The following IQCM variants were observed in gnomAD, a reference collection of about 807,000 sequenced individuals.
The protein encoded by IQCM is IQ domain-containing protein M.
A neutral mutation model predicts 57.6 loss-of-function variants in IQCM; 45 were observed. The ratio of observed to expected loss-of-function variants is 0.78; its 90% CI spans 0.62 to 1.00. IQCM has a LOEUF of 1.00. Ranked by LOEUF, IQCM falls within the 50% of genes least tolerant of loss-of-function variation. IQCM has a pLI of 0.00. For missense variants in IQCM, 468 were observed against 511.6 expected (o/e 0.91, Z 0.82); for synonymous variants, 148 against 158.9 (o/e 0.93, Z 0.51).
At chr4:149,569,419 A>G (rs1285019674) in intron 9 of IQCM, among the ~76,000 whole-genome samples, 1 of 152,112 alleles carries the variant, frequency 6.6e-6, no homozygotes, top group Non-Finnish European at 1.5e-5. Context: ...GTTCAAGGTG[A>G]TCAATGACTA....
intron 13 of IQCM, among the ~76,000 whole-genome samples, chr4:149,409,515 A>C (rs1056487957): frequency 6.6e-5 from 10 of 152,254 alleles, no homozygotes; most frequent in African/African-American, 2.4e-4. Flanking sequence ...AAACAACAAA[A>C]CAAAGGATAG....
chr4:149,613,675 C>T (rs1441090659), intron 8 of IQCM, among the ~76,000 whole-genome samples: 2 of 151,868 alleles, frequency 1.3e-5, no homozygotes, highest in Non-Finnish European at 2.9e-5. Context: ...CCCATTAACT[C>T]GTCATTTAAC....
chr4:149,626,712 C>T (rs1207652075), intron 7 of IQCM, among the ~76,000 whole-genome samples: 1 of 151,996 alleles, frequency 6.6e-6, no homozygotes, highest in Non-Finnish European at 1.5e-5. Flanking sequence ...AGCCCCTTTA[C>T]AACTTCAATA....
At chr4:149,668,249 C>G (rs1208797015) in intron 7 of IQCM, among the ~76,000 whole-genome samples, 2 of 152,150 alleles carry the variant, frequency 1.3e-5, no homozygotes, top group Non-Finnish European at 2.9e-5. Context: ...CCCTACGAGC[C>G]AGAAGAGAGT....
At chr4:149,647,017 T>G (rs981355824) in intron 7 of IQCM, among the ~76,000 whole-genome samples, 2 of 152,146 alleles carry the variant, frequency 1.3e-5, no homozygotes, top group Non-Finnish European at 2.9e-5. Flanking sequence ...TTGTGTGTGT[T>G]CACCTTCTAA....
At chr4:149,556,513 G>T (rs1749598968) in intron 10 of IQCM, among the ~76,000 whole-genome samples, 1 of 152,074 alleles carries the variant, frequency 6.6e-6, no homozygotes, top group Non-Finnish European at 1.5e-5. Flanking sequence ...CCTATAAGAA[G>T]ATATCTTGAC....
At chr4:149,680,628 T>A (rs1762111612) in intron 7 of IQCM, among the ~76,000 whole-genome samples, 1 of 151,418 alleles carries the variant, frequency 6.6e-6, no homozygotes, top group South Asian at 2.1e-4. Context: ...CTGGAATAAG[T>A]ATAAGGAGTC....
chr4:149,721,335 G>A (rs1765432463), intron 5 of IQCM, among the ~76,000 whole-genome samples: 1 of 151,528 alleles, frequency 6.6e-6, no homozygotes, highest in African/African-American at 2.4e-5. Flanking sequence ...GTGGTTTTTG[G>A]TTGCTTAATT....
chr4:149,390,338 G>A (rs900997046), intron 13 of IQCM, among the ~76,000 whole-genome samples: 1 of 151,428 alleles, frequency 6.6e-6, no homozygotes, highest in Non-Finnish European at 1.5e-5. Context: ...TTTAACAGTA[G>A]GATTTTCTTT....
At chr4:149,543,892 C>T (rs1036343132) in intron 12 of IQCM, among the ~76,000 whole-genome samples, 14 of 152,072 alleles carry the variant, frequency 9.2e-5, no homozygotes, top group Non-Finnish European at 1.3e-4. Flanking sequence ...GATGTAGATG[C>T]TTCTACAAAT....
chr4:149,576,043 C>G (rs1360062439), intron 9 of IQCM, among the ~76,000 whole-genome samples: 1 of 151,772 alleles, frequency 6.6e-6, no homozygotes, highest in Non-Finnish European at 1.5e-5. Flanking sequence ...TCTGCAGGAG[C>G]ACTACTTATT....
At chr4:149,494,770 G>A (rs987822892) in intron 12 of IQCM, among the ~76,000 whole-genome samples, 7 of 152,076 alleles carry the variant, frequency 4.6e-5, no homozygotes, top group African/African-American at 1.7e-4. Context: ...AGCAACCAGG[G>A]TTTAGAAATT....
intron 2 of IQCM, chr4:149,790,011 C>G (rs1772440212): frequency 7.9e-6 from 3 of 382,122 alleles, no homozygotes; most frequent in Non-Finnish European, 1.5e-5. Flanking sequence ...TTCCAAGACA[C>G]AGATCTGTGT....
At chr4:149,452,909 T>C (rs1737281744) in intron 12 of IQCM, among the ~76,000 whole-genome samples, 1 of 151,182 alleles carries the variant, frequency 6.6e-6, no homozygotes, top group African/African-American at 2.4e-5. Context: ...AAAAAAAGCT[T>C]TAAACAAATA....
chr4:149,686,121 T>C (rs1369348614), intron 6 of IQCM, among the ~76,000 whole-genome samples: 4 of 151,492 alleles, frequency 2.6e-5, no homozygotes, highest in African/African-American at 9.7e-5. Flanking sequence ...AGCCACAAAT[T>C]GGATTCAAGC....
intron 8 of IQCM, among the ~76,000 whole-genome samples, chr4:149,597,481 C>A (rs1274672818): frequency 6.6e-6 from 1 of 152,152 alleles, no homozygotes; most frequent in Non-Finnish European, 1.5e-5. Context: ...ACCTCCACCT[C>A]CCAGGTTCAA....
chr4:149,569,935 A>C (rs1289716343), intron 9 of IQCM, among the ~76,000 whole-genome samples: 1 of 152,084 alleles, frequency 6.6e-6, no homozygotes, highest in Non-Finnish European at 1.5e-5. Flanking sequence ...CTTTGAATCA[A>C]TTTATAAACT....
At chr4:149,692,202 A>G (rs2149797485) in intron 5 of IQCM, among the ~76,000 whole-genome samples, 1 of 152,254 alleles carries the variant, frequency 6.6e-6, no homozygotes, top group South Asian at 2.1e-4. Flanking sequence ...CAAATGGTGG[A>G]GCTATAAGGT....
chr4:149,712,346 T>TCACA (rs35704697), intron 5 of IQCM, among the ~76,000 whole-genome samples: 11 of 147,866 alleles, frequency 7.4e-5, no homozygotes, highest in East Asian at 3.9e-4. Context: ...CTGTCAATGT[T>TCACA]CACACACACA....
Sources: allele counts gnomAD v4.1 joint callset (sites outside exome capture counted in the v4.1 genomes callset), GRCh38; gene constraint gnomAD v4.1.1; transcripts MANE v1.5; gene names NCBI Gene and HGNC (gene_info 2026-07-23, HGNC 2026-07-21).